Variants in ZBTB41 observed in about 807,000 individuals in gnomAD.
The protein encoded by ZBTB41 is zinc finger and BTB domain-containing protein 41.
Under a neutral mutation model 87.6 loss-of-function variants are expected in ZBTB41, and 42 were observed. That is an observed-to-expected ratio of 0.48 (90% CI 0.37 to 0.62). The LOEUF is 0.62. Ranked by LOEUF, ZBTB41 falls within the 20% of genes least tolerant of loss-of-function variation. The pLI is 0.00. For synonymous variants in ZBTB41, 364 were observed against 364.0 expected (o/e 1.00, Z 0.00); for missense variants, 799 against 1,078.9 (o/e 0.74, Z 3.63).
At chr1:197,164,276 A>G (rs1206139557) in intron 10 of ZBTB41, among the ~76,000 whole-genome samples, 1 of 152,100 alleles carries the variant, frequency 6.6e-6, no homozygotes, top group African/African-American at 2.4e-5. Context: ...TAATGAAAGA[A>G]CACATAATTA....
chr1:197,188,145 C>T, intron 5 of ZBTB41, 147 bp downstream of exon 5: 2 of 798,518 alleles, frequency 2.5e-6, no homozygotes, highest in African/African-American at 1.8e-5. Flanking sequence ...AATATCTATT[C>T]CTTCCTCTCA....
chr1:197,182,554 C>T (rs568809542), intron 5 of ZBTB41, among the ~76,000 whole-genome samples: 5 of 152,184 alleles, frequency 3.3e-5, no homozygotes, highest in East Asian at 1.9e-4. Flanking sequence ...AGATTACAGA[C>T]GTGAGTCACC....
intron 10 of ZBTB41, among the ~76,000 whole-genome samples, chr1:197,171,511 A>G (rs1397195677): frequency 6.6e-6 from 1 of 152,130 alleles, no homozygotes; most frequent in Non-Finnish European, 1.5e-5. Context: ...ACAAGGTTTT[A>G]AAAATGTTAA....
At chr1:197,171,874 A>C (rs981793758) in intron 10 of ZBTB41, among the ~76,000 whole-genome samples, 1 of 151,956 alleles carries the variant, frequency 6.6e-6, no homozygotes, top group Non-Finnish European at 1.5e-5. Flanking sequence ...CAATCAGAAA[A>C]GGGAAAATTA....
rs554610006 is a variant in ZBTB41 at position 197,190,012 on chromosome 1, G to A, written c.1398+750C>T. ...TGGCTCACTGCAACCTCTGCCTCCC[G>A]AGTTCAAGTGATTCTCTTGCCTCAG... On this transcript the variant is annotated intron_variant, in intron 4 of 10. Coordinates refer to ENST00000367405, the MANE Select transcript of ZBTB41 (RefSeq NM_194314.3). Among the ~76,000 whole-genome samples the A allele has an allele frequency of 3.0e-4, 45 of 152,240 alleles. 1 individual carries two copies. The highest frequency in any genetic ancestry group is 1.1e-3 in the African/African-American group (44 of 41,546).
intron 5 of ZBTB41, among the ~76,000 whole-genome samples, chr1:197,183,719 G>C (rs566975906): frequency 2.6e-5 from 4 of 152,208 alleles, no homozygotes; most frequent in African/African-American, 9.6e-5. Context: ...TTTGAATGTC[G>C]AATGTACTTT....
intron 2 of ZBTB41, among the ~76,000 whole-genome samples, chr1:197,193,357 C>T (rs1218037813): frequency 6.7e-6 from 1 of 148,394 alleles, no homozygotes; most frequent in African/African-American, 2.5e-5. Flanking sequence ...GCCAGCATGG[C>T]AAAACCCCAA....
At chr1:197,166,679 A>G (rs1218293089) in intron 10 of ZBTB41, among the ~76,000 whole-genome samples, 2 of 107,116 alleles carry the variant, frequency 1.9e-5, no homozygotes, top group African/African-American at 5.1e-5. Context: ...CCTCATCTCT[A>G]CTTAAAAAAA....
At chr1:197,198,712 AG>A (rs1660226936) in intron 2 of ZBTB41, among the ~76,000 whole-genome samples, 1 of 152,190 alleles carries the variant, frequency 6.6e-6, no homozygotes, top group Non-Finnish European at 1.5e-5. Context: ...CTTTTCTAAA[AG>A]AAAAAAAGTT....
In ZBTB41 at chr1:197,191,251, G is replaced by A. The variant is rs572657611; in HGVS notation, c.1329-420C>T. Among the ~76,000 whole-genome samples, 19 of 152,048 alleles carry A rather than the reference G, an allele frequency of 1.2e-4. No homozygotes were observed. In the East Asian group the frequency reaches 2.9e-3, roughly 23 times the overall value. ...AAGGCGGGCAGATCACTTGAGCCTA[G>A]GAGTTTGAGACCAGCCTGGGCAATA... On this transcript the variant is annotated intron_variant, in intron 3 of 10. Coordinates refer to ENST00000367405, the MANE Select transcript of ZBTB41 (RefSeq NM_194314.3).
Position 197,156,181 on chromosome 1 carries a change from A to C in ZBTB41, c.*3178T>G, listed in dbSNP as rs1490598836. On this transcript the variant is annotated 3_prime_UTR_variant, in exon 11 of 11. Transcript: ENST00000367405. ...TTTTATACATATAAACACAATAATC[A>C]ATCTCAGTATTCAAACTAACAACTT... is the stretch of plus-strand genomic sequence containing the variant. The C allele has an allele frequency of 6.6e-6, 1 of 151,506 alleles. No homozygotes were observed. The highest frequency in any genetic ancestry group is 2.4e-5 in the African/African-American group (1 of 41,350). The allele number at this position is 151,506 out of a possible 1,614,324, so 9.4% of individuals were successfully genotyped here. A position where few individuals can be genotyped will look rare whatever the true frequency, so the allele number is the denominator to read the frequency against.
intron 6 of ZBTB41, 55 bp from the exon 7 acceptor site, chr1:197,178,567 G>C (rs1380864086): frequency 2.3e-6 from 3 of 1,281,932 alleles, no homozygotes; most frequent in Non-Finnish European, 3.2e-6. Flanking sequence ...ATAGTAAATA[G>C]ATTTCTGGAA....
At chr1:197,172,121 C>A (rs6698190) in intron 10 of ZBTB41, 39 bp downstream of exon 10, 16,028 of 770,232 alleles carry the variant, frequency 0.021, 118 homozygotes, top group Middle Eastern at 0.031. Flanking sequence ...ATATCTCTCT[C>A]TATATATATA....
At chr1:197,179,946 A>C (rs1659703817) in intron 6 of ZBTB41, among the ~76,000 whole-genome samples, 1 of 152,066 alleles carries the variant, frequency 6.6e-6, no homozygotes, top group Non-Finnish European at 1.5e-5. Context: ...AAAAAATTTT[A>C]ATACATTTAG....
intron 2 of ZBTB41, 54 bp from the exon 3 acceptor site, chr1:197,191,953 T>C: frequency 2.8e-6 from 4 of 1,424,812 alleles, no homozygotes; most frequent in Non-Finnish European, 3.8e-6. Context: ...ATACTGTGAT[T>C]GGAATTTGAG....
At chr1:197,173,305 A>C (rs1279012626) in intron 9 of ZBTB41, among the ~76,000 whole-genome samples, 1 of 152,140 alleles carries the variant, frequency 6.6e-6, no homozygotes, top group African/African-American at 2.4e-5. Context: ...CTAGGATTTT[A>C]AATGTCCCTC....
chr1:197,184,203 CTA>C (rs1262295861), intron 5 of ZBTB41, among the ~76,000 whole-genome samples: 1 of 152,134 alleles, frequency 6.6e-6, no homozygotes, highest in Non-Finnish European at 1.5e-5. Context: ...AGTTTGGTAA[CTA>C]TAAAAACTGT....
chr1:197,195,285 T>G (rs1660136418), intron 2 of ZBTB41, among the ~76,000 whole-genome samples: 1 of 152,208 alleles, frequency 6.6e-6, no homozygotes, highest in Admixed American at 6.5e-5. Flanking sequence ...GAATCATGTC[T>G]CAAATCAGAA....
chr1:197,155,537 T>A lies in ZBTB41; in HGVS notation c.*3822A>T, dbSNP rs185665824. The A allele has an allele frequency of 6.6e-6, 1 of 152,292 alleles. No homozygotes were observed. The highest frequency in any genetic ancestry group is 1.5e-5 in the Non-Finnish European group (1 of 67,822). The allele number at this position is 152,292 out of a possible 1,614,324, so 9.4% of individuals were successfully genotyped here. A position where few individuals can be genotyped will look rare whatever the true frequency, so the allele number is the denominator to read the frequency against. On this transcript the variant is annotated 3_prime_UTR_variant, in exon 11 of 11. Coordinates refer to ENST00000367405, the MANE Select transcript of ZBTB41 (RefSeq NM_194314.3). ...AAAATCTGACATTTCATCACTGATA[T>A]ATGAGAGTGATATGGTAGGAAGAAA...
Sources: allele counts gnomAD v4.1 joint callset (sites outside exome capture counted in the v4.1 genomes callset), GRCh38; gene constraint gnomAD v4.1.1; transcripts MANE v1.5; gene names NCBI Gene and HGNC (gene_info 2026-07-23, HGNC 2026-07-21).